MEI4: variants seen among roughly 807,000 people sequenced by gnomAD.
MEI4 encodes meiotic double-stranded break formation protein 4, also known as meiosis-specific protein MEI4.
A neutral mutation model predicts 31.4 loss-of-function variants in MEI4; 27 were observed. The ratio of observed to expected loss-of-function variants is 0.86; its 90% CI spans 0.63 to 1.19. MEI4 has a LOEUF of 1.19. MEI4 is among the 50% of genes most tolerant of loss of function. The pLI, the probability that MEI4 is intolerant of heterozygous loss-of-function variation, is 0.00. For missense variants in MEI4, 329 were observed against 398.9 expected (o/e 0.82, Z 1.49); for synonymous variants, 122 against 145.4 (o/e 0.84, Z 1.16).
Position 77,883,924 on chromosome 6 carries a change from A to AG in MEI4, c.901-39162dup, listed in dbSNP as rs1361691832. ...AGGATTTCATGGTAGTTGTACTTTC[A>AG]GGGTTTTTTTTAAAAACCTCCATAC... On this transcript the variant is annotated intron_variant, in intron 4 of 4. Transcript: ENST00000684080. 2.0e-5 allele frequency among the ~76,000 whole-genome samples: 3 copies of AG among 151,494 alleles called. No homozygotes were observed. The East Asian group carries it at 5.8e-4, about 29-fold the overall frequency.
At chr6:77,888,856 C>T (rs1165925207) in intron 4 of MEI4, among the ~76,000 whole-genome samples, 1 of 152,050 alleles carries the variant, frequency 6.6e-6, no homozygotes, top group Admixed American at 6.6e-5. Context: ...GGCAGTTACC[C>T]TTATGCTGTT....
chr6:77,808,928 CA>C (rs1349579486), intron 3 of MEI4, among the ~76,000 whole-genome samples: 2 of 152,130 alleles, frequency 1.3e-5, no homozygotes, highest in Non-Finnish European at 2.9e-5. Flanking sequence ...GAATGTGGGC[CA>C]TTCTATGAAG....
chr6:77,709,361 T>G (rs142859040), intron 2 of MEI4, among the ~76,000 whole-genome samples: 6 of 152,324 alleles, frequency 3.9e-5, no homozygotes, highest in African/African-American at 1.4e-4. Context: ...CATGAGATCT[T>G]GTACCCAGTG....
chr6:77,658,303 T>C (rs1290095829), intron 1 of MEI4, among the ~76,000 whole-genome samples: 1 of 152,056 alleles, frequency 6.6e-6, no homozygotes, highest in Non-Finnish European at 1.5e-5. Flanking sequence ...AGTTCATTGA[T>C]CAGTTAGGGT....
In MEI4 at chr6:77,734,443, G is replaced by A. The variant is rs865947540; in HGVS notation, c.233-26687G>A. On this transcript the variant is annotated intron_variant, in intron 2 of 4. Coordinates refer to ENST00000684080, the MANE Select transcript of MEI4 (RefSeq NM_001322247.2). ...TGTTGGTTTAAAGTCTGTTTTATCA[G>A]AGACTAGGATTGCAACCCCTGCCTT... Among the ~76,000 whole-genome samples the A allele has an allele frequency of 7.3e-4, 111 of 152,104 alleles. 3 individuals carry two copies. Among genetic ancestry groups the A allele is most frequent in the African/African-American group, 2.3e-3 (97 of 41,410 alleles).
chr6:77,691,199 T>C (rs888522340), intron 2 of MEI4, among the ~76,000 whole-genome samples: 7 of 152,044 alleles, frequency 4.6e-5, no homozygotes, highest in African/African-American at 1.7e-4. Context: ...TTTATTTTGC[T>C]TTTATATTCA....
chr6:77,826,267 C>T (rs1436153182), intron 3 of MEI4, among the ~76,000 whole-genome samples: 1 of 152,130 alleles, frequency 6.6e-6, no homozygotes. Context: ...GGCTAAATAA[C>T]ATATGTAAAT....
chr6:77,925,557 C>G lies in MEI4; in HGVS notation c.*2211C>G, dbSNP rs1766822807. On this transcript the variant is annotated 3_prime_UTR_variant, in exon 5 of 5. Coordinates refer to ENST00000684080, the MANE Select transcript of MEI4 (RefSeq NM_001322247.2). Reference sequence around the variant, plus strand: ...ATTACAATGTTTAAGAATGTTATAACAGTTTATATTTAGGTAATGTCTAAC... The same window carrying G: ...ATTACAATGTTTAAGAATGTTATAAGAGTTTATATTTAGGTAATGTCTAAC... The G allele has an allele frequency of 6.6e-6, 1 of 151,464 alleles. No individual in the cohort carries two copies. Among genetic ancestry groups the G allele is most frequent in the South Asian group, 2.1e-4 (1 of 4,830 alleles). 9.4% of individuals were successfully genotyped at this position (151,464 alleles called of 1,614,324 possible).
At chr6:77,663,726 G>T (rs985979738) in intron 1 of MEI4, among the ~76,000 whole-genome samples, 1 of 152,144 alleles carries the variant, frequency 6.6e-6, no homozygotes. Flanking sequence ...GATTAAGAAG[G>T]GGACGGGCTT....
At chr6:77,671,887 A>G (rs1037356891) in intron 1 of MEI4, among the ~76,000 whole-genome samples, 22 of 152,300 alleles carry the variant, frequency 1.4e-4, no homozygotes, top group African/African-American at 5.1e-4. Context: ...AAAGTCTAGG[A>G]AACATGCTAC....
At chr6:77,809,105 G>C (rs547371993) in intron 3 of MEI4, among the ~76,000 whole-genome samples, 29 of 152,324 alleles carry the variant, frequency 1.9e-4, no homozygotes, top group African/African-American at 5.5e-4. Context: ...GGACAAGTTA[G>C]AGGAGTATAT....
rs909370058 is a variant in MEI4, at chr6:77,925,763, A to G, written c.*2417A>G. The G allele has an allele frequency of 5.4e-5, 8 of 148,088 alleles. No individual in the cohort carries two copies. The highest frequency in any genetic ancestry group is 1.2e-4 in the Non-Finnish European group (8 of 67,220). 9.2% of individuals were successfully genotyped at this position (148,088 alleles called of 1,614,324 possible). A position where few individuals can be genotyped will look rare whatever the true frequency, so the allele number is the denominator to read the frequency against. On this transcript the variant is annotated 3_prime_UTR_variant, in exon 5 of 5. Coordinates refer to ENST00000684080, the MANE Select transcript of MEI4 (RefSeq NM_001322247.2). ...TACTATTTAATATAAGCTATAATAAATATATGATAATATATTTTATATGAG... is the reference window on the plus strand; with the variant it reads ...TACTATTTAATATAAGCTATAATAAGTATATGATAATATATTTTATATGAG...
At chr6:77,668,890 G>A (rs1300788027) in intron 1 of MEI4, among the ~76,000 whole-genome samples, 2 of 152,142 alleles carry the variant, frequency 1.3e-5, no homozygotes, top group Non-Finnish European at 2.9e-5. Context: ...TTTTTCTAAA[G>A]TGCCAGCTTT....
In MEI4 at chr6:77,919,737, T is replaced by C. The variant is rs889057898; in HGVS notation, c.901-3352T>C. Among the ~76,000 whole-genome samples the C allele has an allele frequency of 6.0e-4, 90 of 148,824 alleles. 1 individual carries two copies. Among genetic ancestry groups the C allele is most frequent in the Non-Finnish European group, 1.2e-3 (80 of 67,054 alleles). On this transcript the variant is annotated intron_variant, in intron 4 of 4. Coordinates refer to ENST00000684080, the MANE Select transcript of MEI4 (RefSeq NM_001322247.2). ...TGGTTTTTTGAAAGGATCAACAAAA[T>C]TGATAGACCTCTAGCAAGACTAATA...
intron 3 of MEI4, among the ~76,000 whole-genome samples, chr6:77,798,883 A>C (rs1461144541): frequency 6.6e-6 from 1 of 151,656 alleles, no homozygotes; most frequent in Non-Finnish European, 1.5e-5. Context: ...TTCTTAATCC[A>C]GTCTATCATT....
intron 2 of MEI4, among the ~76,000 whole-genome samples, chr6:77,697,493 C>T (rs1368006386): frequency 3.9e-5 from 6 of 152,180 alleles, no homozygotes; most frequent in African/African-American, 1.4e-4. Context: ...TTTCAAAGAA[C>T]ATCTTTATTT....
At chr6:77,767,058 A>G (rs1274125686) in intron 3 of MEI4, among the ~76,000 whole-genome samples, 1 of 152,130 alleles carries the variant, frequency 6.6e-6, no homozygotes, top group Admixed American at 6.5e-5. Flanking sequence ...GTTAAGGGTC[A>G]TTTCATCCTT....
intron 4 of MEI4, among the ~76,000 whole-genome samples, chr6:77,854,283 A>T (rs1227020159): frequency 6.6e-6 from 1 of 151,340 alleles, no homozygotes; most frequent in East Asian, 1.9e-4. Context: ...ATAGTTAACC[A>T]ATATGCTCAA....
chr6:77,892,327 C>G (rs1765980599), intron 4 of MEI4, among the ~76,000 whole-genome samples: 1 of 152,116 alleles, frequency 6.6e-6, no homozygotes, highest in Admixed American at 6.6e-5. Context: ...CTGTTGATCT[C>G]TAGGCTCCTA....
Sources: gnomAD v4.1 joint callset for allele counts (sites outside exome capture counted in the v4.1 genomes callset) on GRCh38, gnomAD v4.1.1 for gene constraint, MANE v1.5 for transcripts, NCBI Gene and HGNC (gene_info 2026-07-23, HGNC 2026-07-21) for gene names.